NADSYN1: variants seen among roughly 807,000 people sequenced by gnomAD.
NADSYN1 encodes the protein glutamine-dependent NAD(+) synthetase.
In NADSYN1, 80 loss-of-function variants were observed where a neutral mutation model predicts 99.3. That is an observed-to-expected ratio of 0.81 (90% CI 0.67 to 0.97). NADSYN1 has a LOEUF of 0.97. Ranked by LOEUF, NADSYN1 falls within the 50% of genes least tolerant of loss-of-function variation. NADSYN1 has a pLI of 0.00. For synonymous variants in NADSYN1, 385 were observed against 372.1 expected (o/e 1.03, Z -0.40); for missense variants, 859 against 948.5 (o/e 0.91, Z 1.24).
chr11:71,489,670 A>T (rs1032903990), intron 16 of NADSYN1, among the ~76,000 whole-genome samples: 11 of 152,202 alleles, frequency 7.2e-5, no homozygotes, highest in Non-Finnish European at 1.3e-4. Context: ...GGTAGCCCTC[A>T]CTGAAGGCAG....
chr11:71,466,617 T>C (rs1360886731), intron 5 of NADSYN1: 1 of 152,250 alleles, frequency 6.6e-6, no homozygotes, highest in Non-Finnish European at 1.5e-5. Flanking sequence ...GGTGGAGAGA[T>C]GTCTGTTGCT....
Position 71,484,634 on chromosome 11 carries a change from G to C in NADSYN1, c.1455+187G>C, listed in dbSNP as rs143215290. The C allele has an allele frequency of 1.8e-4, 146 of 802,540 alleles. 1 individual carries two copies. The highest frequency in any genetic ancestry group is 1.7e-3 in the African/African-American group (101 of 57,746). 49.7% of individuals were successfully genotyped at this position (802,540 alleles called of 1,614,324 possible). ...CCTCACTGAAGACGTCGGTCATGCA[G>C]CCTTGTTAACAAGGAGGGGGTCTGT... On this transcript the variant is annotated intron_variant, in intron 15 of 20. Transcript: ENST00000319023.
chr11:71,468,328 CAT>C (rs1949606749), intron 5 of NADSYN1, among the ~76,000 whole-genome samples: 1 of 152,126 alleles, frequency 6.6e-6, no homozygotes, highest in Non-Finnish European at 1.5e-5. Context: ...CTGTATGAAA[CAT>C]AATGTCTAGT....
intron 13 of NADSYN1, 64 bp downstream of exon 13, chr11:71,482,089 G>C (rs7949129): frequency 0.17 from 251,748 of 1,449,704 alleles, 25,318 homozygotes; most frequent in East Asian, 0.35. Flanking sequence ...CCTGAGTTAG[G>C]GACCTAGGAG....
intron 15 of NADSYN1, 30 bp downstream of exon 15, chr11:71,484,477 G>T: frequency 6.3e-7 from 1 of 1,599,470 alleles, no homozygotes; most frequent in Non-Finnish European, 8.5e-7. Context: ...CGTCCCCTGG[G>T]GGTGGGGGTG....
intron 10 of NADSYN1, chr11:71,479,051 A>C (rs978901398): frequency 6.3e-6 from 1 of 158,378 alleles, no homozygotes; most frequent in African/African-American, 2.4e-5. Flanking sequence ...AACATTGAAG[A>C]AGTGTGATGC....
chr11:71,464,867 CAAAAAAAAAAAAAAAA>C (rs926724365), intron 5 of NADSYN1, among the ~76,000 whole-genome samples: 15 of 40,480 alleles, frequency 3.7e-4, no homozygotes, highest in Non-Finnish European at 6.6e-4. Flanking sequence ...GACTCTGTCT[CAAAAAAAAAAAAAAAA>C]AAAAAAAAAA....
intron 2 of NADSYN1, among the ~76,000 whole-genome samples, chr11:71,457,116 C>T (rs894018177): frequency 2.6e-5 from 4 of 152,222 alleles, no homozygotes; most frequent in African/African-American, 9.6e-5. Flanking sequence ...TGCCATGCAG[C>T]GGGACGTGTG....
chr11:71,501,226 T>C, intron 20 of NADSYN1, 76 bp from the exon 21 acceptor site: 10 of 1,347,262 alleles, frequency 7.4e-6, no homozygotes, highest in Non-Finnish European at 8.9e-6. Context: ...TGACCCGCTT[T>C]TGGTGCGTGC....
In NADSYN1 at chr11:71,489,877, CTG is replaced by C. The variant is rs549777722; in HGVS notation, c.1563-965_1563-964del. 5.3e-5 allele frequency among the ~76,000 whole-genome samples: 8 copies of C among 152,294 alleles called. No individual in the cohort carries two copies. The East Asian group carries it at 1.2e-3, about 22-fold the overall frequency. ...AAGGGCACCATTGAGGGAATTCAGACTGTGGAAGGGCTTGGCCTGGCCTGGTA... is the reference window on the plus strand; with the variant it reads ...AAGGGCACCATTGAGGGAATTCAGACTGGAAGGGCTTGGCCTGGCCTGGTA... On this transcript the variant is annotated intron_variant, in intron 16 of 20. Transcript: ENST00000319023.
intron 3 of NADSYN1, 24 bp downstream of exon 3, chr11:71,458,568 A>AG: frequency 1.9e-6 from 3 of 1,547,956 alleles, no homozygotes; most frequent in Non-Finnish European, 2.7e-6. Context: ...TGAGTGTGGA[A>AG]GGGCAAACCT....
chr11:71,484,042 AT>A (rs1246891018), intron 14 of NADSYN1, among the ~76,000 whole-genome samples: 1 of 152,218 alleles, frequency 6.6e-6, no homozygotes, highest in Admixed American at 6.5e-5. Flanking sequence ...CACTCTCTGC[AT>A]CTGTCACTGT....
At chr11:71,477,297 C>T (rs1198301319) in intron 9 of NADSYN1, 1 of 1,273,216 alleles carries the variant, frequency 7.9e-7, no homozygotes, top group Admixed American at 2.4e-5. Flanking sequence ...CTTCCCTCAT[C>T]TCCATTGTTT....
intron 19 of NADSYN1, 107 bp downstream of exon 19, chr11:71,497,718 G>A (rs898965380): frequency 5.0e-6 from 7 of 1,393,594 alleles, no homozygotes; most frequent in South Asian, 2.4e-5. Context: ...TGACCCTAAC[G>A]TAATAAAACT....
intron 3 of NADSYN1, among the ~76,000 whole-genome samples, chr11:71,462,635 T>A (rs547931675): frequency 3.4e-4 from 52 of 152,334 alleles, no homozygotes; most frequent in African/African-American, 1.2e-3. Context: ...CTGAGACCTG[T>A]CTCAGATACT....
In NADSYN1 at chr11:71,491,699, T is replaced by A. The variant is rs1443310472; in HGVS notation, c.1695-135T>A. The A allele has an allele frequency of 1.5e-5, 11 of 758,202 alleles. No homozygotes were observed. The East Asian group carries it at 2.7e-4, about 18-fold the overall frequency. 47.0% of individuals were successfully genotyped at this position (758,202 alleles called of 1,614,324 possible). A position where few individuals can be genotyped will look rare whatever the true frequency, so the allele number is the denominator to read the frequency against. The stretch of plus-strand genomic sequence containing the variant: ...GCTGGAAAGCCCAGCACCGCAAGCC[T>A]TGGTGACGTCCTACCCACGGTGAAC... On this transcript the variant is annotated intron_variant, in intron 17 of 20. Coordinates refer to ENST00000319023, the MANE Select transcript of NADSYN1 (RefSeq NM_018161.5).
At chr11:71,455,036 C>T in intron 1 of NADSYN1, 74 bp from the exon 2 acceptor site, 2 of 1,077,936 alleles carry the variant, frequency 1.9e-6, no homozygotes, top group Non-Finnish European at 2.8e-6. Context: ...CCTACTGCAG[C>T]AGGTTGTTTC....
At chr11:71,469,927 G>GAAAAAAA (rs749801544) in intron 5 of NADSYN1, among the ~76,000 whole-genome samples, 3 of 109,172 alleles carry the variant, frequency 2.7e-5, no homozygotes, top group Non-Finnish European at 5.1e-5. Context: ...GCCTGTCTCA[G>GAAAAAAA]AAAAAAAAAA....
At chr11:71,472,114 T>G (rs1386227681) in intron 5 of NADSYN1, among the ~76,000 whole-genome samples, 3 of 152,188 alleles carry the variant, frequency 2.0e-5, no homozygotes. Flanking sequence ...GAATTCCACC[T>G]GGATTTCTCC....
Sources: gnomAD v4.1 joint callset for allele counts (sites outside exome capture counted in the v4.1 genomes callset) on GRCh38, gnomAD v4.1.1 for gene constraint, MANE v1.5 for transcripts, NCBI Gene and HGNC (gene_info 2026-07-23, HGNC 2026-07-21) for gene names.